CDH23: variants seen among roughly 807,000 people sequenced by gnomAD.
CDH23 encodes the protein cadherin-23.
Under a neutral mutation model 317.1 loss-of-function variants are expected in CDH23, and 189 were observed. The ratio of observed to expected loss-of-function variants is 0.60; its 90% CI spans 0.53 to 0.67. The LOEUF (loss-of-function observed/expected upper bound fraction) is 0.67. Ranked by LOEUF, CDH23 falls within the 30% of genes least tolerant of loss-of-function variation. The probability of loss-of-function intolerance (pLI) is 0.00; values close to 1 mark genes in which losing one functional copy is unlikely to be tolerated. For missense variants in CDH23, 4,401 were observed against 4,592.4 expected (o/e 0.96, Z 1.20); for synonymous variants, 1,839 against 1,876.8 (o/e 0.98, Z 0.52).
At chr10:71,494,048 C>T (rs191660938) in intron 3 of CDH23, among the ~76,000 whole-genome samples, 101 of 152,178 alleles carry the variant, frequency 6.6e-4, no homozygotes, top group African/African-American at 2.3e-3. Context: ...TTTCATTTTT[C>T]GGAGAATTTT....
chr10:71,716,186 G>T, intron 28 of CDH23: 1 of 1,551,206 alleles, frequency 6.4e-7, no homozygotes, highest in Non-Finnish European at 8.7e-7. Context: ...CAGCAGACAG[G>T]TGGCCAGCAG....
intron 11 of CDH23, among the ~76,000 whole-genome samples, chr10:71,639,150 C>T (rs1218853416): frequency 2.0e-5 from 3 of 152,348 alleles, no homozygotes; most frequent in South Asian, 2.1e-4. Context: ...CTCCGGGACC[C>T]GCGGTGGGCG....
At chr10:71,425,213 G>A (rs978926561) in intron 1 of CDH23, among the ~76,000 whole-genome samples, 3 of 124,168 alleles carry the variant, frequency 2.4e-5, no homozygotes, top group Non-Finnish European at 5.0e-5. Flanking sequence ...TAAAATCACA[G>A]TGGGGCAGAG....
Position 71,510,132 on chromosome 10 carries a change from G to C in CDH23, c.196G>C (p.Val66Leu). ...CCAAGACATGGACAATGACCCCCTGGTGTTTGGCGTGTCTGGGGAGGAGGC... is the reference window on the plus strand; with the variant it reads ...CCAAGACATGGACAATGACCCCCTGCTGTTTGGCGTGTCTGGGGAGGAGGC... The part of the protein sequence containing the change: ...LAQDMDNDPL[V>L]FGVSGEEASR... Residue 66 changes from valine to leucine, a missense_variant, in exon 4 of 70, where the codon GTG (valine) becomes CTG (leucine). This residue lies in a region of CDH23 where 3,068 missense variants were observed against 3,203.3 expected (regional missense o/e 0.96). Coordinates refer to ENST00000224721, the MANE Select transcript of CDH23 (RefSeq NM_022124.6). The C allele has an allele frequency of 6.2e-7, 1 of 1,614,034 alleles. No individual in the cohort carries two copies. Among genetic ancestry groups the C allele is most frequent in the Non-Finnish European group, 8.5e-7 (1 of 1,179,886 alleles).
intron 31 of CDH23, 49 bp downstream of exon 31, chr10:71,730,653 T>C: frequency 6.2e-7 from 1 of 1,607,548 alleles, no homozygotes; most frequent in Non-Finnish European, 8.5e-7. Context: ...AGAGCAAACC[T>C]CCCCAGCTCA....
rs757783942 is a variant in CDH23 at position 71,617,300 on chromosome 10, G to A, written c.1041G>A (p.Glu347=). 1 of 1,613,990 alleles carries A rather than the reference G, an allele frequency of 6.2e-7. No individual in the cohort carries two copies. Among genetic ancestry groups the A allele is most frequent in the Non-Finnish European group, 8.5e-7 (1 of 1,179,906 alleles). The change falls in exon 11 of 70, where the codon GAG becomes GAA. Residue 347 remains glutamate, a synonymous_variant. Transcript: ENST00000224721. ...LVIDINDNAP[E]FNSSEYSVAI... The stretch of plus-strand genomic sequence containing the variant: ...TTGACATCAATGACAATGCCCCGGA[G>A]TTCAACAGCTCCGAGTACAGCGTGG...
chr10:71,444,084 G>A (rs1266939712), intron 2 of CDH23, among the ~76,000 whole-genome samples: 8 of 152,184 alleles, frequency 5.3e-5, no homozygotes, highest in East Asian at 1.9e-4. Context: ...CATTTGCCTC[G>A]GCTGGGCTGC....
rs774643516 is a variant in CDH23 at position 71,570,961 on chromosome 10, G to C, written c.753+43G>C. ...TCCTTCTCAGAAGTCCCTTCTCAGA[G>C]GGACTTCCTTCTGAGCTCCTGTTAG... On this transcript the variant is annotated intron_variant, in intron 8 of 69. Transcript: ENST00000224721. 3 of 1,607,018 alleles carry C rather than the reference G, an allele frequency of 1.9e-6. No individual in the cohort carries two copies. The South Asian group carries it at 3.3e-5, about 18-fold the overall frequency.
intron 1 of CDH23, among the ~76,000 whole-genome samples, chr10:71,398,968 C>G (rs536623390): frequency 3.2e-4 from 48 of 152,276 alleles, no homozygotes; most frequent in African/African-American, 1.2e-3. Context: ...CCTTCCTCAC[C>G]TCTAAACAGC....
intron 44 of CDH23, among the ~76,000 whole-genome samples, chr10:71,787,877 G>A (rs772691302): frequency 1.3e-5 from 2 of 152,180 alleles, no homozygotes; most frequent in Non-Finnish European, 2.9e-5. Flanking sequence ...TTGATATAAC[G>A]ATGTATTTCC....
At chr10:71,632,631 C>T (rs1862067925) in intron 11 of CDH23, among the ~76,000 whole-genome samples, 1 of 152,088 alleles carries the variant, frequency 6.6e-6, no homozygotes, top group Admixed American at 6.5e-5. Flanking sequence ...GGGGGAGGGG[C>T]TAGATGGAGA....
At chr10:71,430,633 T>C (rs1849327324) in intron 1 of CDH23, among the ~76,000 whole-genome samples, 1 of 151,996 alleles carries the variant, frequency 6.6e-6, no homozygotes, top group African/African-American at 2.4e-5. Context: ...CATGATGAAA[T>C]CCCGTCTCTA....
At chr10:71,604,076 T>G (rs1279460941) in intron 9 of CDH23, among the ~76,000 whole-genome samples, 1 of 152,196 alleles carries the variant, frequency 6.6e-6, no homozygotes, top group Non-Finnish European at 1.5e-5. Context: ...GCAAATCATT[T>G]AATCTCTCTG....
At chr10:71,432,270 GC>G in intron 1 of CDH23, among the ~76,000 whole-genome samples, 3 of 143,862 alleles carry the variant, frequency 2.1e-5, no homozygotes, top group Non-Finnish European at 4.5e-5. Flanking sequence ...GTGTGTGTGT[GC>G]ATGAGTGTGT....
At chr10:71,756,335 T>C (rs1387279043) in intron 38 of CDH23, among the ~76,000 whole-genome samples, 1 of 152,176 alleles carries the variant, frequency 6.6e-6, no homozygotes, top group Non-Finnish European at 1.5e-5. Context: ...CTTGGACATC[T>C]CTCTGTCTCC....
chr10:71,710,097 G>A (rs893251346), intron 27 of CDH23, among the ~76,000 whole-genome samples: 2 of 152,070 alleles, frequency 1.3e-5, no homozygotes, highest in Non-Finnish European at 2.9e-5. Flanking sequence ...GGAAATTATG[G>A]GAATACAATT....
At position 71,785,042 on chromosome 10, in the gene CDH23, G is replaced by T. The variant is rs539839828; in HGVS notation, c.5654G>T (p.Arg1885Leu). 1 of 1,614,080 alleles carries T rather than the reference G, an allele frequency of 6.2e-7. No individual in the cohort carries two copies. Among genetic ancestry groups the T allele is most frequent in the Non-Finnish European group, 8.5e-7 (1 of 1,179,912 alleles). ...GACGCTGACAGTGGCTGCAATGCAC[G>T]CCTCACCTTCAACATCACTGCGGGC... Reference protein sequence around the residue: ...ASDADSGCNARLTFNITAGNR... With the variant: ...ASDADSGCNALLTFNITAGNR... Residue 1885 changes from arginine to leucine, a missense_variant, in exon 43 of 70, where the codon CGC (arginine) becomes CTC (leucine). By Grantham distance (102) the Arg-to-Leu change is moderately radical. Transcript: ENST00000224721.
At chr10:71,617,082 G>A (rs1861226667) in intron 10 of CDH23, 123 bp from the exon 11 acceptor site, 1 of 1,313,270 alleles carries the variant, frequency 7.6e-7, no homozygotes, top group Non-Finnish European at 1.0e-6. Flanking sequence ...GAGTTGTGGT[G>A]AGGATTAGAT....
chr10:71,551,502 C>T (rs1359590697), intron 6 of CDH23, among the ~76,000 whole-genome samples: 1 of 152,156 alleles, frequency 6.6e-6, no homozygotes, highest in Non-Finnish European at 1.5e-5. Context: ...GTTGGTTATC[C>T]ACTTCAGTTA....
Sources: gnomAD v4.1 joint callset for allele counts (sites outside exome capture counted in the v4.1 genomes callset) on GRCh38, gnomAD v4.1.1 for gene constraint, gnomAD v4.1.1 regional missense constraint, MANE v1.5 for transcripts, NCBI Gene and HGNC (gene_info 2026-07-23, HGNC 2026-07-21) for gene names.